Variants in PNCK observed in about 807,000 individuals in gnomAD.
PNCK encodes the protein pregnancy up-regulated nonubiquitous CaM kinase.
PNCK carries 21 observed loss-of-function variants against 28.3 expected under a neutral mutation model. The ratio of observed to expected loss-of-function variants is 0.74; its 90% confidence interval spans 0.53 to 1.07. PNCK has a LOEUF of 1.07. PNCK is among the 50% of genes least tolerant of loss of function. The pLI is 0.00. For missense variants in PNCK, 250 were observed against 298.3 expected (o/e 0.84, Z 1.19); for synonymous variants, 136 against 125.2 (o/e 1.09, Z -0.58).
intron 1 of PNCK, chrX:153,687,397 C>T: frequency 3.1e-6 from 1 of 327,516 alleles, no homozygotes; most frequent in Non-Finnish European, 5.9e-6. Context: ...GCAGGCTCCC[C>T]TCTGCCCACT....
upstream of PNCK, among the ~76,000 whole-genome samples, chrX:153,678,004 T>C (rs2091378454): frequency 9.4e-6 from 1 of 106,749 alleles, no homozygotes; most frequent in South Asian, 4.2e-4. Context: ...CCATGTTATG[T>C]TACTAACATA....
upstream of PNCK, among the ~76,000 whole-genome samples, chrX:153,679,171 T>TGGG (rs2091383257): frequency 9.0e-6 from 1 of 111,554 alleles, no homozygotes; most frequent in African/African-American, 3.3e-5. Context: ...GGACATAAGT[T>TGGG]TTCAAATCAT....
rs2091286002 is a variant in PNCK, at chrX:153,670,779, G to A, written c.859C>T (p.Gln287Ter). ...DRDILGSVSE[Q>*]IRKNFARTHW... is the part of the protein sequence containing the mutation. ...GTCCGAGCAAAGTTCTTCCGGATCT[G>A]CTCACTGACAGAGCCTAAGATGTCC... Residue 287 changes from glutamine (Q) to a stop codon, truncating the protein, a stop_gained, in exon 10 of 12, where the codon CAG (glutamine) becomes TAG (stop). Coordinates refer to ENST00000340888, the MANE Select transcript of PNCK (RefSeq NM_001366977.1). LOFTEE classifies it high-confidence loss of function. 1 of 1,209,795 alleles carries A rather than the reference G, an allele frequency of 8.3e-7. No homozygotes were observed. Among genetic ancestry groups the A allele is most frequent in the Non-Finnish European group, 1.1e-6 (1 of 894,628 alleles).
chrX:153,683,560 C>T (rs1342208921), intron 1 of PNCK, among the ~76,000 whole-genome samples: 2 of 110,812 alleles, frequency 1.8e-5, no homozygotes, highest in Non-Finnish European at 3.8e-5. Context: ...TTCCGGCTAA[C>T]TTTTGTATTT....
In PNCK at chrX:153,680,755, C is replaced by T. The variant is rs190568154; in HGVS notation, c.-3+6676G>A. On this transcript the variant is annotated intron_variant, in intron 1 of 3. Transcript: ENST00000419804. ...AAAAAACCTAGCCTTCAGGGCTGGG[C>T]GCGGTGGCTCATGCCTGTAATCCCA... Among the ~76,000 whole-genome samples the T allele has an allele frequency of 3.3e-3, 355 of 108,739 alleles. 2 individuals carry two copies. Among genetic ancestry groups the T allele is most frequent in the African/African-American group, 0.011 (330 of 29,808 alleles). 94.4% of individuals were successfully genotyped at this position (108,739 alleles called of 115,157 possible).
At chrX:153,671,723 C>G in intron 5 of PNCK, 51 bp from the exon 6 acceptor site, 1 of 1,166,895 alleles carries the variant, frequency 8.6e-7, no homozygotes, top group Non-Finnish European at 1.1e-6. Context: ...GACGCGGTGC[C>G]GGTGCTGGGA....
upstream of PNCK, among the ~76,000 whole-genome samples, chrX:153,677,335 T>C (rs985771810): frequency 2.7e-5 from 3 of 110,751 alleles, no homozygotes; most frequent in Admixed American, 2.9e-4. Context: ...CCTTACTTTC[T>C]GGCTCTGTGC....
upstream of PNCK, chrX:153,674,447 G>C (rs1168853114): frequency 3.9e-4 from 102 of 263,850 alleles, no homozygotes; most frequent in Non-Finnish European, 6.0e-4. Flanking sequence ...GCCTCCTGAC[G>C]GCCCTAGCCT....
intron 1 of PNCK, among the ~76,000 whole-genome samples, chrX:153,681,074 C>T (rs941104326): frequency 9.3e-6 from 1 of 107,220 alleles, no homozygotes; most frequent in Non-Finnish European, 1.9e-5. Flanking sequence ...AGGAGCCAAC[C>T]GAAAGAGAGT....
upstream of PNCK, among the ~76,000 whole-genome samples, chrX:153,676,239 G>A (rs960841417): frequency 1.8e-5 from 2 of 110,961 alleles, no homozygotes; most frequent in Non-Finnish European, 3.8e-5. Context: ...TGTGCTGGAC[G>A]TGCTCACAGG....
rs782745110 is a variant in PNCK, at chrX:153,681,028, C to CAA, written c.-3+6401_-3+6402dup. Among the ~76,000 whole-genome samples the CAA allele has an allele frequency of 5.1e-3, 150 of 29,673 alleles. 6 individuals are homozygous for CAA. Among genetic ancestry groups the CAA allele is most frequent in the Middle Eastern group, 0.019 (1 of 53 alleles). 25.8% of individuals were successfully genotyped at this position (29,673 alleles called of 115,157 possible). A position where few individuals can be genotyped will look rare whatever the true frequency, so the allele number is the denominator to read the frequency against. ...TGGGCAACAGAGTGAGAACCTGTCT[C>CAA]AAAAAAAAAAAAAAAAAAAAAAGGA... On this transcript the variant is annotated intron_variant, in intron 1 of 3. Transcript: ENST00000419804.
At chrX:153,684,296 C>T (rs1418235798) in intron 1 of PNCK, among the ~76,000 whole-genome samples, 6 of 112,269 alleles carry the variant, frequency 5.3e-5, no homozygotes, top group African/African-American at 9.7e-5. Flanking sequence ...GTAACAGAAC[C>T]GCGCTTGTAC....
upstream of PNCK, among the ~76,000 whole-genome samples, chrX:153,679,461 G>T (rs782134720): frequency 2.8e-5 from 3 of 107,980 alleles, no homozygotes; most frequent in Non-Finnish European, 5.7e-5. Flanking sequence ...ATGCTTATTT[G>T]CCATTTGTAT....
In PNCK at chrX:153,673,710, G is replaced by C. The variant is rs1412451226; in HGVS notation, c.-3+70C>G. Reference sequence around the variant, plus strand: ...AGGTGTGCTGCGGACGCGCAAGGCTGCGGCGGCCGCGGGCCGGATCCGGTG... The same window carrying C: ...AGGTGTGCTGCGGACGCGCAAGGCTCCGGCGGCCGCGGGCCGGATCCGGTG... On this transcript the variant is annotated intron_variant, in intron 1 of 11. Transcript: ENST00000340888. The C allele has an allele frequency of 6.5e-6, 4 of 615,432 alleles. No individual in the cohort carries two copies. In the African/African-American group the frequency reaches 9.9e-5, roughly 15 times the overall value. 50.7% of individuals were successfully genotyped at this position (615,432 alleles called of 1,213,427 possible).
intron 3 of PNCK, 77 bp downstream of exon 3, chrX:153,672,489 G>T (rs2091315506): frequency 3.5e-6 from 4 of 1,154,915 alleles, no homozygotes; most frequent in Non-Finnish European, 4.6e-6. Context: ...TGGTGGCCAG[G>T]CCTGGACTAG....
At chrX:153,680,078 C>T (rs1306546988) in intron 1 of PNCK, among the ~76,000 whole-genome samples, 1 of 110,310 alleles carries the variant, frequency 9.1e-6, no homozygotes, top group African/African-American at 3.3e-5. Flanking sequence ...AAAGAAATTA[C>T]ACCCTTTGCA....
intron 1 of PNCK, chrX:153,673,315 G>A (rs1188597771): frequency 1.8e-5 from 20 of 1,124,718 alleles, no homozygotes; most frequent in Admixed American, 3.1e-5. Flanking sequence ...CCCGCACCCC[G>A]AAGGCGACCA....
chrX:153,684,364 AAAAC>A (rs1452838147), intron 1 of PNCK, among the ~76,000 whole-genome samples: 5 of 112,626 alleles, frequency 4.4e-5, no homozygotes, highest in Admixed American at 9.3e-5. Context: ...TAAAATGTAA[AAAAC>A]AAAGCAAAGC....
chrX:153,674,177 C>A (rs782326814), upstream of PNCK: 1 of 1,204,362 alleles, frequency 8.3e-7, no homozygotes, highest in Admixed American at 2.2e-5. Flanking sequence ...AGCCTCCATG[C>A]CTAGCTCCAG....
Sources: gnomAD v4.1 joint callset for allele counts (sites outside exome capture counted in the v4.1 genomes callset) on GRCh38, gnomAD v4.1.1 for gene constraint, MANE v1.5 for transcripts, NCBI Gene and HGNC (gene_info 2026-07-23, HGNC 2026-07-21) for gene names.